The following ACCS variants were observed in gnomAD, a reference collection of about 807,000 sequenced individuals.
ACCS encodes 1-aminocyclopropane-1-carboxylate synthase-like protein 1.
ACCS carries 42 observed loss-of-function variants against 59.8 expected under a neutral mutation model. The observed-to-expected ratio is 0.70, with a 90% CI of 0.55 to 0.91. The LOEUF is 0.91. Among genes scored for constraint, ACCS ranks in the 40% least tolerant of loss-of-function variants. The probability of loss-of-function intolerance (pLI) is 0.00; values close to 1 mark genes in which losing one functional copy is unlikely to be tolerated. For missense variants in ACCS, 602 were observed against 630.4 expected, an observed-to-expected ratio of 0.95 and a Z score of 0.48; for synonymous variants, 230 against 240.3, an observed-to-expected ratio of 0.96 and a Z score of 0.40.
At chr11:44,076,173 T>C (rs1365782391) in intron 6 of ACCS, among the ~76,000 whole-genome samples, 1 of 152,182 alleles carries the variant, frequency 6.6e-6, no homozygotes, top group Non-Finnish European at 1.5e-5. Flanking sequence ...GGCTGTTGAG[T>C]GGGCAGCCAG....
chr11:44,073,525 G>C lies in ACCS; in HGVS notation c.419+8G>C. 1 of 1,601,946 alleles carries C rather than the reference G, an allele frequency of 6.2e-7. No individual in the cohort carries two copies. Among genetic ancestry groups the C allele is most frequent in the Non-Finnish European group, 8.5e-7 (1 of 1,173,416 alleles). ...CTGGAGGGGACATCTGTTGTAAGTA[G>C]TTGCCATAGGGTGAGTTTGTCCCCC... On this transcript the variant is annotated splice_region_variant and intron_variant, in intron 4 of 14. Transcript: ENST00000263776.
Position 44,067,927 on chromosome 11 carries a change from T to G in ACCS, c.288+12T>G. ...ACAAGAACCCCAGTGTGAGTGAAGCTCCCCTCCCACTGGGACCCAAGAGAG... is the reference window on the plus strand; with the variant it reads ...ACAAGAACCCCAGTGTGAGTGAAGCGCCCCTCCCACTGGGACCCAAGAGAG... On this transcript the variant is annotated intron_variant, in intron 2 of 14. Coordinates refer to ENST00000263776, the MANE Select transcript of ACCS (RefSeq NM_032592.4). 6.3e-7 allele frequency: 1 copy of G among 1,582,638 alleles called. No individual in the cohort carries two copies. The highest frequency in any genetic ancestry group is 2.2e-5 in the East Asian group (1 of 44,628).
At position 44,083,769 on chromosome 11, in the gene ACCS, G is replaced by C. The variant is rs1333166443; in HGVS notation, c.1483G>C (p.Glu495Gln). The C allele has an allele frequency of 2.5e-5, 41 of 1,613,218 alleles. No homozygotes were observed. Among genetic ancestry groups the C allele is most frequent in the Non-Finnish European group, 3.5e-5 (41 of 1,179,640 alleles). The change falls in exon 15 of 15, where the codon GAG (glutamate) becomes CAG (glutamine). Residue 495 changes from glutamate to glutamine, a missense_variant. Physicochemically the swap from Glu to Gln is conservative, Grantham distance 29. Transcript: ENST00000263776. ...AEDPRPSQSQ[E>Q]PSDQRR ...AGACCCCCGTCCCTCTCAGAGCCAG[G>C]AGCCAAGTGACCAACGCAGGTGAGC...
intron 5 of ACCS, among the ~76,000 whole-genome samples, chr11:44,075,090 C>T (rs1953289252): frequency 6.6e-6 from 1 of 152,114 alleles, no homozygotes; most frequent in African/African-American, 2.4e-5. Flanking sequence ...TCCCAAAGTG[C>T]TGGGATTACA....
In ACCS at chr11:44,083,260, C is replaced by T; in HGVS notation, c.1203C>T (p.Ile401=). Residue 401 remains isoleucine, a synonymous_variant, in exon 13 of 15, where the codon ATC becomes ATT. Transcript: ENST00000263776. The stretch of plus-strand genomic sequence containing the variant: ...CAGAAGAGCTTAGGGCATTGGGGAT[C>T]CCCTTCTTGAGTCGTGGGGCTGGCT... ...YVSEELRALG[I]PFLSRGAGFF... is the part of the protein sequence containing the mutation. The T allele has an allele frequency of 6.2e-7, 1 of 1,614,192 alleles. No individual in the cohort carries two copies.
chr11:44,071,877 G>A (rs1408704516), intron 3 of ACCS, among the ~76,000 whole-genome samples: 1 of 152,222 alleles, frequency 6.6e-6, no homozygotes, highest in Non-Finnish European at 1.5e-5. Context: ...TTGTTTGTAA[G>A]ATAATGTATT....
chr11:44,076,122 G>T (rs1214030113), intron 6 of ACCS, among the ~76,000 whole-genome samples: 1 of 152,230 alleles, frequency 6.6e-6, no homozygotes, highest in Non-Finnish European at 1.5e-5. Context: ...GGTCATACCT[G>T]AAGAAACTAG....
At position 44,084,079 on chromosome 11, in the gene ACCS, C is replaced by T. The variant is rs114692351; in HGVS notation, c.*287C>T. On this transcript the variant is annotated 3_prime_UTR_variant, in exon 15 of 15. Transcript: ENST00000263776. ...GAGTCGTGACTGCTTCTAACCAGAG[C>T]CTCAGCCCCCCTGAGGATGTGAAAA... 8.2e-4 allele frequency: 311 copies of T among 377,600 alleles called. No individual in the cohort carries two copies. Among genetic ancestry groups the T allele is most frequent in the African/African-American group, 6.0e-3 (293 of 48,628 alleles). 23.4% of individuals were successfully genotyped at this position (377,600 alleles called of 1,614,324 possible).
rs1952857110 is a variant in ACCS, at chr11:44,067,710, A to G, written c.83A>G (p.His28Arg). The change falls in exon 2 of 15, where the codon CAT becomes CGT. Residue 28 changes from histidine to arginine, a missense_variant. Coordinates refer to ENST00000263776, the MANE Select transcript of ACCS (RefSeq NM_032592.4). ...TGCATGCAGGACCTGGGCAGTAGCC[A>G]TGGGGAAGATCTGGAAGGAGAATGC... is the stretch of plus-strand genomic sequence containing the variant. ...PTCMQDLGSS[H>R]GEDLEGECSR... is the part of the protein sequence containing the mutation. The G allele has an allele frequency of 6.2e-7, 1 of 1,614,210 alleles. No individual in the cohort carries two copies. The highest frequency in any genetic ancestry group is 1.3e-5 in the African/African-American group (1 of 75,054).
intron 2 of ACCS, among the ~76,000 whole-genome samples, chr11:44,069,541 C>A (rs10466474): frequency 0.081 from 12,356 of 152,252 alleles, 569 homozygotes; most frequent in Middle Eastern, 0.14. Context: ...GTCCACGCCA[C>A]CACGCCCAGC....
chr11:44,068,593 A>C (rs1428402674), intron 2 of ACCS, among the ~76,000 whole-genome samples: 2 of 152,370 alleles, frequency 1.3e-5, no homozygotes, highest in African/African-American at 4.8e-5. Flanking sequence ...CAACGGTGTG[A>C]GACCCTATCT....
intron 2 of ACCS, among the ~76,000 whole-genome samples, chr11:44,069,570 G>A (rs1952953377): frequency 1.3e-5 from 2 of 152,218 alleles, no homozygotes; most frequent in Admixed American, 1.3e-4. Context: ...CTTTTGTGAA[G>A]GTGCCATGAA....
chr11:44,074,744 CT>C, intron 5 of ACCS, 63 bp downstream of exon 5: 1 of 308,652 alleles, frequency 3.2e-6, no homozygotes, highest in Non-Finnish European at 5.2e-6. Flanking sequence ...CTCTTTCTTT[CT>C]TTCTTTCTTT....
intron 8 of ACCS, 76 bp from the exon 9 acceptor site, chr11:44,078,608 G>C (rs115235650): frequency 7.5e-7 from 1 of 1,326,818 alleles, no homozygotes; most frequent in South Asian, 1.2e-5. Flanking sequence ...GCCTTCCAGC[G>C]ATCAGCCCCC....
chr11:44,067,875 CCTACCA>C lies in ACCS; in HGVS notation c.250_255del (p.Tyr84_His85del). 6.2e-7 allele frequency: 1 copy of C among 1,612,858 alleles called. No homozygotes were observed. On this transcript the variant is annotated inframe_deletion, in exon 2 of 15. Coordinates refer to ENST00000263776, the MANE Select transcript of ACCS (RefSeq NM_032592.4). ...GATTCAGCTGAGGAGGGCTACAGGA[CCTACCA>C]CATGGATGAGTATGATGAGGACAAG...
At chr11:44,077,114 AG>A (rs1169873003) in intron 6 of ACCS, among the ~76,000 whole-genome samples, 164 bp from the exon 7 acceptor site, 1 of 152,202 alleles carries the variant, frequency 6.6e-6, no homozygotes, top group African/African-American at 2.4e-5. Context: ...GGCTGATCTC[AG>A]TGGATCCAAG....
At position 44,081,312 on chromosome 11, in the gene ACCS, G is replaced by T. The variant is rs148829529; in HGVS notation, c.1103G>T (p.Arg368Leu). The change falls in exon 12 of 15, where the codon CGG (arginine) becomes CTG (leucine). Residue 368 changes from arginine (R) to leucine (L), a missense_variant. By Grantham distance (102) the Arg-to-Leu change is moderately radical (BLOSUM62 -2). Transcript: ENST00000263776. Reference sequence around the variant, plus strand: ...CAGTACCAGATGGCACAGCTGCTCCGGGACCGTGGTGACTGCCTGGGCCTG... The same window carrying T: ...CAGTACCAGATGGCACAGCTGCTCCTGGACCGTGGTGACTGCCTGGGCCTG... ...LVQYQMAQLL[R>L]DRDWINQVYL... is the part of the protein sequence containing the mutation. 1.1e-5 allele frequency: 17 copies of T among 1,613,722 alleles called. No homozygotes were observed. Among genetic ancestry groups the T allele is most frequent in the Middle Eastern group, 3.3e-4 (2 of 6,068 alleles).
chr11:44,077,659 AG>A, intron 7 of ACCS, 185 bp from the exon 8 acceptor site: 4 of 1,440,126 alleles, frequency 2.8e-6, no homozygotes, highest in Non-Finnish European at 2.7e-6. Flanking sequence ...AAGAGTGATG[AG>A]GGGGTCTCTG....
At chr11:44,075,637 G>C (rs1953323088) in intron 6 of ACCS, 45 bp downstream of exon 6, 1 of 1,602,288 alleles carries the variant, frequency 6.2e-7, no homozygotes, top group Admixed American at 1.7e-5. Context: ...GCCTCATTGT[G>C]CTTGCAGGGT....
Sources: allele counts gnomAD v4.1 joint callset (sites outside exome capture counted in the v4.1 genomes callset), GRCh38; gene constraint gnomAD v4.1.1; transcripts MANE v1.5; gene names NCBI Gene and HGNC (gene_info 2026-07-23, HGNC 2026-07-21).